CCDC144A: variants seen among roughly 807,000 people sequenced by gnomAD.
CCDC144A encodes coiled-coil domain containing 144A, also known as coiled-coil domain-containing protein 144A.
A neutral mutation model predicts 143.8 loss-of-function variants in CCDC144A; 41 were observed. The ratio of observed to expected loss-of-function variants is 0.29; its 90% CI spans 0.22 to 0.37. The LOEUF is 0.37. Ranked by LOEUF, CCDC144A falls within the 10% of genes least tolerant of loss-of-function variation. The probability of loss-of-function intolerance (pLI) is 1.00; values close to 1 mark genes in which losing one functional copy is unlikely to be tolerated. For missense variants in CCDC144A, 637 were observed against 1,488.8 expected (o/e 0.43, Z 9.41); for synonymous variants, 242 against 517.9 (o/e 0.47, Z 7.23).
At chr17:16,691,182 T>C (rs1252992394) in intron 1 of CCDC144A, among the ~76,000 whole-genome samples, 1 of 152,052 alleles carries the variant, frequency 6.6e-6, no homozygotes. Context: ...ACCCCGCCTG[T>C]TATGCTTTTG....
chr17:16,712,004 C>A (rs1912478099), intron 6 of CCDC144A, 189 bp downstream of exon 6: 3 of 813,566 alleles, frequency 3.7e-6, no homozygotes, highest in Non-Finnish European at 5.6e-6. Flanking sequence ...GTGGTGCATG[C>A]CTGTAATCCC....
intron 15 of CCDC144A, among the ~76,000 whole-genome samples, chr17:16,768,471 G>C (rs1484498817): frequency 6.6e-6 from 1 of 152,158 alleles, no homozygotes; most frequent in Non-Finnish European, 1.5e-5. Flanking sequence ...TACTCAGTCA[G>C]TGCCAAAGCA....
intron 8 of CCDC144A, among the ~76,000 whole-genome samples, chr17:16,725,750 C>CCGGT (rs1353675155): frequency 2.1e-5 from 3 of 144,984 alleles, no homozygotes; most frequent in Non-Finnish European, 4.5e-5. Context: ...TAACCAAGGA[C>CCGGT]CACCTGTTAC....
chr17:16,757,498 G>A (rs1446208847), intron 12 of CCDC144A, among the ~76,000 whole-genome samples: 1 of 152,242 alleles, frequency 6.6e-6, no homozygotes, highest in African/African-American at 2.4e-5. Flanking sequence ...AGAGGCCTGG[G>A]TGGGGTGGGC....
the CCDC144A span, chr17:16,683,639 C>T: frequency 6.2e-7 from 1 of 1,610,532 alleles, no homozygotes. Flanking sequence ...AGGCCTGGGA[C>T]TTTGTCAGGA....
Position 16,773,736 on chromosome 17 carries a change from T to A in CCDC144A, c.*103T>A. On this transcript the variant is annotated 3_prime_UTR_variant, in exon 17 of 17. Transcript: ENST00000399273. ...AAAGGGAAATATTCTATATTATACA[T>A]GTCTGATGAAAATTTATATAGTATT... 1 of 1,274,642 alleles carries A rather than the reference T, an allele frequency of 7.8e-7. No homozygotes were observed. The allele number at this position is 1,274,642 out of a possible 1,614,324, so 79.0% of individuals were successfully genotyped here. A position where few individuals can be genotyped will look rare whatever the true frequency, so the allele number is the denominator to read the frequency against.
chr17:16,736,252 T>C (rs1913993498), intron 12 of CCDC144A, among the ~76,000 whole-genome samples: 1 of 146,624 alleles, frequency 6.8e-6, no homozygotes, highest in African/African-American at 2.5e-5. Context: ...TTTTTTTTTT[T>C]TTTTGAGATG....
chr17:16,749,842 T>C (rs1297095145), intron 12 of CCDC144A, among the ~76,000 whole-genome samples: 1 of 152,238 alleles, frequency 6.6e-6, no homozygotes, highest in Non-Finnish European at 1.5e-5. Context: ...CATTGTGTAA[T>C]GCCCTTCTTC....
chr17:16,711,876 A>G lies in CCDC144A; in HGVS notation c.1715+61A>G. The G allele has an allele frequency of 1.9e-6, 3 of 1,545,928 alleles. No individual in the cohort carries two copies. The South Asian group carries it at 3.6e-5, about 18-fold the overall frequency. On this transcript the variant is annotated intron_variant, in intron 6 of 16. Coordinates refer to ENST00000399273, the MANE Select transcript of CCDC144A (RefSeq NM_001382000.1). The stretch of plus-strand genomic sequence containing the variant: ...GTCAAGCGTGGTGGCTCACGCCTGT[A>G]ATCCAGCAATTTGGGAGGCCAAGGC...
rs529479323 is a variant in CCDC144A at position 16,749,698 on chromosome 17, C to A, written c.3373-11727C>A. On this transcript the variant is annotated intron_variant, in intron 12 of 16. Coordinates refer to ENST00000399273, the MANE Select transcript of CCDC144A (RefSeq NM_001382000.1). Reference sequence around the variant, plus strand: ...ACACTATCAATGAGATGTTGAAGATCCCCACTGTTATTGTGTGACTGAGTC... The same window carrying A: ...ACACTATCAATGAGATGTTGAAGATACCCACTGTTATTGTGTGACTGAGTC... 5.6e-3 allele frequency among the ~76,000 whole-genome samples: 856 copies of A among 152,246 alleles called. 10 individuals are homozygous for A. The highest frequency in any genetic ancestry group is 0.02 in the African/African-American group (812 of 41,524).
rs539209106 is a variant in CCDC144A at position 16,761,143 on chromosome 17, C to T, written c.3373-282C>T. On this transcript the variant is annotated intron_variant, in intron 12 of 16. Transcript: ENST00000399273. Reference sequence around the variant, plus strand: ...GAGATCGAGACCATCCTGGCTAACACGGTGAAACCCCATCTACTAAAAATA... The same window carrying T: ...GAGATCGAGACCATCCTGGCTAACATGGTGAAACCCCATCTACTAAAAATA... Among the ~76,000 whole-genome samples the T allele has an allele frequency of 9.2e-3, 1,398 of 151,380 alleles. 15 individuals are homozygous for T. Among genetic ancestry groups the T allele is most frequent in the African/African-American group, 0.033 (1,338 of 41,086 alleles).
At chr17:16,742,771 G>A (rs928240000) in intron 12 of CCDC144A, among the ~76,000 whole-genome samples, 3 of 152,080 alleles carry the variant, frequency 2.0e-5, no homozygotes, top group African/African-American at 7.2e-5. Context: ...ATTCTGTGGT[G>A]AGACGATATC....
At chr17:16,682,883 GTTTTTTTTTTTTTTTT>G in the CCDC144A span, among the ~76,000 whole-genome samples, 72 of 46,452 alleles carry the variant, frequency 1.5e-3, no homozygotes, top group Admixed American at 0.012. Flanking sequence ...TGGATTCTCT[GTTTTTTTTTTTTTTTT>G]TTTTTTTTTT....
At chr17:16,769,544 G>A (rs1022170269) in intron 15 of CCDC144A, among the ~76,000 whole-genome samples, 1 of 152,166 alleles carries the variant, frequency 6.6e-6, no homozygotes, top group African/African-American at 2.4e-5. Context: ...CCTAAACCAC[G>A]TCTTATTTGG....
At chr17:16,687,594 T>G (rs1302803841), upstream of CCDC144A, among the ~76,000 whole-genome samples, 1 of 152,134 alleles carries the variant, frequency 6.6e-6, no homozygotes, top group Non-Finnish European at 1.5e-5. Flanking sequence ...CCCACGAACA[T>G]TACGGAGACT....
At position 16,743,561 on chromosome 17, in the gene CCDC144A, G is replaced by A. The variant is rs1365189587; in HGVS notation, c.3372+7918G>A. Among the ~76,000 whole-genome samples, 3 of 151,908 alleles carry A rather than the reference G, an allele frequency of 2.0e-5. No individual in the cohort carries two copies. The East Asian group carries it at 5.8e-4, about 29-fold the overall frequency. ...TGTTCTTTTCCCTCAGGCTTGGCTT[G>A]TATAGTCTAGCTTTTTTGCAGTTCC... is the stretch of plus-strand genomic sequence containing the variant. On this transcript the variant is annotated intron_variant, in intron 12 of 16. Transcript: ENST00000399273.
chr17:16,757,164 G>A (rs1453570258), intron 12 of CCDC144A, among the ~76,000 whole-genome samples: 2 of 152,282 alleles, frequency 1.3e-5, no homozygotes, highest in Non-Finnish European at 2.9e-5. Flanking sequence ...AAAGGACCTT[G>A]GTGACACTTG....
intron 12 of CCDC144A, among the ~76,000 whole-genome samples, chr17:16,756,668 G>A (rs1310996721): frequency 6.6e-6 from 1 of 150,726 alleles, no homozygotes; most frequent in African/African-American, 2.5e-5. Flanking sequence ...GAATTACTCT[G>A]TTCCTTTGGA....
At chr17:16,772,087 A>G in intron 16 of CCDC144A, 68 bp downstream of exon 16, 2 of 1,133,852 alleles carry the variant, frequency 1.8e-6, no homozygotes, top group Non-Finnish European at 2.5e-6. Flanking sequence ...ACTGCAAACG[A>G]CATCCCTTTC....
Sources: allele counts gnomAD v4.1 joint callset (sites outside exome capture counted in the v4.1 genomes callset), GRCh38; gene constraint gnomAD v4.1.1; transcripts MANE v1.5; gene names NCBI Gene and HGNC (gene_info 2026-07-23, HGNC 2026-07-21).